ANK3: variants seen among roughly 807,000 people sequenced by gnomAD.
ANK3 encodes the protein ankyrin 3.
Under a neutral mutation model 370.9 loss-of-function variants are expected in ANK3, and 57 were observed. That is an observed-to-expected ratio of 0.15 (90% CI 0.12 to 0.19). ANK3 has a LOEUF of 0.19. Ranked by LOEUF, ANK3 falls within the 10% of genes least tolerant of loss-of-function variation. The pLI, the probability that ANK3 is intolerant of heterozygous loss-of-function variation, is 1.00. For synonymous variants in ANK3, 1,929 were observed against 1,946.3 expected (o/e 0.99, Z 0.23); for missense variants, 4,439 against 5,302.1 (o/e 0.84, Z 5.06).
intron 2 of ANK3, among the ~76,000 whole-genome samples, chr10:60,432,517 A>T (rs1016398048): frequency 6.6e-6 from 1 of 152,318 alleles, no homozygotes; most frequent in Non-Finnish European, 1.5e-5. Flanking sequence ...AAACATCCTT[A>T]TTGGCACTTT....
intron 7 of ANK3, 79 bp downstream of exon 7, chr10:60,261,780 C>T (rs889673354): frequency 7.5e-7 from 1 of 1,326,102 alleles, no homozygotes; most frequent in African/African-American, 1.4e-5. Context: ...AAATTTGTCC[C>T]AACATCCTCA....
chr10:60,139,190 C>A, intron 23 of ANK3, 103 bp from the exon 24 acceptor site: 8 of 1,361,258 alleles, frequency 5.9e-6, no homozygotes, highest in Non-Finnish European at 8.1e-6. Flanking sequence ...CCCAATATCT[C>A]ATATTCACCT....
chr10:60,493,303 A>G (rs546529004), intron 2 of ANK3, among the ~76,000 whole-genome samples: 2 of 152,230 alleles, frequency 1.3e-5, no homozygotes, highest in African/African-American at 2.4e-5. Flanking sequence ...GTAAATGTGA[A>G]GAAGAAATTG....
At chr10:60,676,900 T>C (rs1190105796) in intron 1 of ANK3, among the ~76,000 whole-genome samples, 1 of 152,196 alleles carries the variant, frequency 6.6e-6, no homozygotes, top group Admixed American at 6.5e-5. Context: ...ACTTGGAATG[T>C]TCCCAATACA....
intron 1 of ANK3, among the ~76,000 whole-genome samples, chr10:60,662,734 G>A (rs2078950458): frequency 6.6e-6 from 1 of 152,152 alleles, no homozygotes; most frequent in African/African-American, 2.4e-5. Context: ...GAGGACAGGA[G>A]CCTGTTTTCT....
chr10:60,159,953 C>T (rs989185640), intron 23 of ANK3, among the ~76,000 whole-genome samples: 2 of 151,800 alleles, frequency 1.3e-5, no homozygotes, highest in Non-Finnish European at 2.9e-5. Context: ...CAATAAATGC[C>T]TACATCAAAA....
At chr10:60,205,155 T>A (rs1311746262) in intron 11 of ANK3, among the ~76,000 whole-genome samples, 1 of 152,174 alleles carries the variant, frequency 6.6e-6, no homozygotes, top group Non-Finnish European at 1.5e-5. Context: ...ATCATTTCTC[T>A]GAGTTCTGAG....
intron 1 of ANK3, among the ~76,000 whole-genome samples, chr10:60,377,039 A>G (rs906448308): frequency 3.9e-5 from 6 of 152,254 alleles, no homozygotes; most frequent in Non-Finnish European, 7.3e-5. Context: ...TTAAACATCA[A>G]TATGGTTATC....
At chr10:60,113,537 C>T (rs1156508276) in intron 26 of ANK3, among the ~76,000 whole-genome samples, 4 of 152,110 alleles carry the variant, frequency 2.6e-5, no homozygotes, top group Admixed American at 6.6e-5. Context: ...GGCGAGACTT[C>T]ATCTCTATGA....
At chr10:60,502,114 C>G (rs544668765) in intron 2 of ANK3, among the ~76,000 whole-genome samples, 1 of 152,260 alleles carries the variant, frequency 6.6e-6, no homozygotes, top group East Asian at 1.9e-4. Flanking sequence ...AACTTCTGAC[C>G]AGCTAGAAAA....
intron 2 of ANK3, among the ~76,000 whole-genome samples, chr10:60,419,360 C>T (rs961534476): frequency 6.6e-6 from 1 of 152,080 alleles, no homozygotes; most frequent in Non-Finnish European, 1.5e-5. Context: ...CCTACTCTGA[C>T]AGTCTATAAC....
chr10:60,652,165 C>T (rs2078797732), intron 1 of ANK3, among the ~76,000 whole-genome samples: 1 of 152,020 alleles, frequency 6.6e-6, no homozygotes, highest in African/African-American at 2.4e-5. Flanking sequence ...TGCCAGCACT[C>T]AAGTAATCCC....
At chr10:60,584,090 C>T (rs1199745095) in intron 2 of ANK3, among the ~76,000 whole-genome samples, 1 of 152,112 alleles carries the variant, frequency 6.6e-6, no homozygotes, top group Non-Finnish European at 1.5e-5. Flanking sequence ...TTAACCTTAG[C>T]CCATCTCATC....
intron 8 of ANK3, among the ~76,000 whole-genome samples, chr10:60,232,090 C>T (rs1028822221): frequency 3.3e-5 from 5 of 152,132 alleles, no homozygotes; most frequent in African/African-American, 1.2e-4. Flanking sequence ...ACCCTCTATG[C>T]CCTCTAAAGA....
chr10:60,622,349 A>T (rs1248970975), intron 1 of ANK3, among the ~76,000 whole-genome samples: 1 of 151,846 alleles, frequency 6.6e-6, no homozygotes, highest in African/African-American at 2.4e-5. Flanking sequence ...GGTACAAGTG[A>T]TTCTCCTGCC....
intron 2 of ANK3, among the ~76,000 whole-genome samples, chr10:60,570,130 C>T (rs778848196): frequency 6.6e-6 from 1 of 152,162 alleles, no homozygotes; most frequent in Non-Finnish European, 1.5e-5. Flanking sequence ...TGTATCTGCT[C>T]TAACACTGAA....
rs1172221287 is a variant in ANK3, at chr10:60,028,074, A to C, written c.*1772T>G. 2 of 152,258 alleles carry C rather than the reference A, an allele frequency of 1.3e-5. No homozygotes were observed. Among genetic ancestry groups the C allele is most frequent in the African/African-American group, 4.8e-5 (2 of 41,476 alleles). The allele number at this position is 152,258 out of a possible 1,614,324, so 9.4% of individuals were successfully genotyped here. On this transcript the variant is annotated 3_prime_UTR_variant, in exon 44 of 44. Transcript: ENST00000280772. ...AAAACAAGCTCTGTGGGCTAAAAGC[A>C]ACTGCATGTTGATGGTTCCTAGAAG... is the stretch of plus-strand genomic sequence containing the variant.
chr10:60,483,991 G>C lies in ANK3; in HGVS notation c.96+131195C>G, dbSNP rs569277886. 1.2e-4 allele frequency among the ~76,000 whole-genome samples: 18 copies of C among 152,308 alleles called. No homozygotes were observed. In the East Asian group the frequency reaches 3.5e-3, roughly 29 times the overall value. On this transcript the variant is annotated intron_variant, in intron 2 of 43. Transcript: ENST00000373827. ...TTAGAGAACAAAGTTAAGATAAGGA[G>C]CCTGGACTTCCACCTTCTGATACCA...
chr10:60,148,232 G>GA (rs1555007952), intron 23 of ANK3, among the ~76,000 whole-genome samples: 1 of 147,948 alleles, frequency 6.8e-6, no homozygotes, highest in African/African-American at 2.5e-5. Flanking sequence ...TGCTTAAGCT[G>GA]TTTTTTTTTT....
Sources: allele counts gnomAD v4.1 joint callset (sites outside exome capture counted in the v4.1 genomes callset), GRCh38; gene constraint gnomAD v4.1.1; transcripts MANE v1.5; gene names NCBI Gene and HGNC (gene_info 2026-07-23, HGNC 2026-07-21).